DCLK1: variants seen among roughly 807,000 people sequenced by gnomAD.
DCLK1 encodes serine/threonine-protein kinase DCLK1.
A neutral mutation model predicts 86.2 loss-of-function variants in DCLK1; 16 were observed. That is an observed-to-expected ratio of 0.19 (90% CI 0.13 to 0.28). The LOEUF is 0.28. DCLK1 is among the 10% of genes least tolerant of loss of function. DCLK1 has a pLI of 1.00. For missense variants in DCLK1, 590 were observed against 940.2 expected (o/e 0.63, Z 4.87); for synonymous variants, 369 against 370.5 (o/e 1.00, Z 0.05).
At chr13:35,784,973 C>A (rs914361164) in intron 16 of DCLK1, among the ~76,000 whole-genome samples, 2 of 152,124 alleles carry the variant, frequency 1.3e-5, no homozygotes, top group African/African-American at 2.4e-5. Flanking sequence ...AACAACCGAG[C>A]ATGACAGCGC....
At chr13:35,854,406 C>G in intron 6 of DCLK1, 93 bp downstream of exon 6, 1 of 1,004,186 alleles carries the variant, frequency 1.0e-6, no homozygotes, top group South Asian at 2.5e-5. Flanking sequence ...TTAGATATCG[C>G]CTAGAGACGA....
At chr13:35,986,325 AAAAG>A (rs1271930628) in intron 3 of DCLK1, among the ~76,000 whole-genome samples, 174 of 150,526 alleles carry the variant, frequency 1.2e-3, no homozygotes, top group African/African-American at 4.0e-3. Flanking sequence ...AAAAAAAAAA[AAAAG>A]GCCAATGAAG....
intron 3 of DCLK1, among the ~76,000 whole-genome samples, chr13:35,973,339 A>G (rs1450934240): frequency 6.6e-6 from 1 of 152,160 alleles, no homozygotes; most frequent in East Asian, 1.9e-4. Context: ...CCTCCTGGGA[A>G]GACCTCCCCT....
intron 6 of DCLK1, chr13:35,846,448 T>C (rs2153109092): frequency 1.0e-6 from 1 of 985,356 alleles, no homozygotes; most frequent in Non-Finnish European, 1.2e-6. Context: ...CACTCAGGTA[T>C]TACATGCATC....
chr13:35,866,693 G>C (rs1379874316), intron 5 of DCLK1, among the ~76,000 whole-genome samples: 1 of 151,460 alleles, frequency 6.6e-6, no homozygotes, highest in Non-Finnish European at 1.5e-5. Context: ...ACAGGCATGA[G>C]CCACCACACC....
At chr13:35,914,375 A>ATATATATATG (rs1875276353) in intron 4 of DCLK1, among the ~76,000 whole-genome samples, 1 of 84,822 alleles carries the variant, frequency 1.2e-5, no homozygotes, top group African/African-American at 4.2e-5. Flanking sequence ...ATATGTATAT[A>ATATATATATG]TATATATATA....
In DCLK1 at chr13:35,769,784, C is replaced by T. The variant is rs2086297413; in HGVS notation, c.*4751G>A. ...TACATTAAAGCAACATTAAGGGTCT[C>T]AATTTCATTGAACAGAAACAAATGC... On this transcript the variant is annotated 3_prime_UTR_variant, in exon 17 of 17. Coordinates refer to ENST00000360631, the MANE Select transcript of DCLK1 (RefSeq NM_001330071.2). 1 of 152,160 alleles carries T rather than the reference C, an allele frequency of 6.6e-6. No homozygotes were observed. Among genetic ancestry groups the T allele is most frequent in the African/African-American group, 2.4e-5 (1 of 41,434 alleles). 9.4% of individuals were successfully genotyped at this position (152,160 alleles called of 1,614,324 possible).
At position 35,909,597 on chromosome 13, in the gene DCLK1, ATGTGTGTGTGTGTGTGTG is replaced by A. The variant is rs57044533; in HGVS notation, c.823+37743_823+37760del. Among the ~76,000 whole-genome samples, 751 of 146,240 alleles carry A rather than the reference ATGTGTGTGTGTGTGTGTG, an allele frequency of 5.1e-3. 6 individuals are homozygous for A. Among genetic ancestry groups the A allele is most frequent in the African/African-American group, 0.018 (699 of 39,246 alleles). On this transcript the variant is annotated intron_variant, in intron 4 of 16. Transcript: ENST00000360631. ...TCTGGTTATTAATTGCTGTGTGCAT[ATGTGTGTGTGTGTGTGTG>A]TGTGTGTGTGTGTGTGTGTGTGTGT...
At chr13:35,849,405 T>C in intron 6 of DCLK1, 2 of 985,354 alleles carry the variant, frequency 2.0e-6, no homozygotes, top group Non-Finnish European at 2.4e-6. Flanking sequence ...CAAACATTTT[T>C]AATTTATCAC....
At chr13:35,919,473 C>T (rs1163008050) in intron 4 of DCLK1, among the ~76,000 whole-genome samples, 1 of 152,138 alleles carries the variant, frequency 6.6e-6, no homozygotes, top group Non-Finnish European at 1.5e-5. Context: ...AATGTTTACA[C>T]AGATGCCAGT....
At chr13:35,808,463 A>T in intron 13 of DCLK1, 143 bp from the exon 14 acceptor site, 1 of 757,942 alleles carries the variant, frequency 1.3e-6, no homozygotes, top group Non-Finnish European at 2.2e-6. Context: ...AAAAATGTCA[A>T]TGTGGATCTG....
chr13:35,871,785 A>G (rs1872289140), intron 4 of DCLK1, among the ~76,000 whole-genome samples: 1 of 152,194 alleles, frequency 6.6e-6, no homozygotes, highest in African/African-American at 2.4e-5. Flanking sequence ...AACAGGACCA[A>G]GTTTATTGCC....
intron 3 of DCLK1, among the ~76,000 whole-genome samples, chr13:36,100,437 A>G (rs1055642762): frequency 1.3e-5 from 2 of 152,138 alleles, no homozygotes; most frequent in African/African-American, 4.8e-5. Context: ...AGCCTGCGCT[A>G]TTCCTTTCAC....
At chr13:35,811,066 G>C in intron 11 of DCLK1, 98 bp from the exon 12 acceptor site, 1 of 1,471,018 alleles carries the variant, frequency 6.8e-7, no homozygotes, top group South Asian at 1.2e-5. Flanking sequence ...TTAATGTATA[G>C]GAGGTAAAAA....
chr13:35,911,099 C>A (rs1325834217), intron 4 of DCLK1, among the ~76,000 whole-genome samples: 2 of 135,996 alleles, frequency 1.5e-5, no homozygotes, highest in African/African-American at 5.5e-5. Context: ...CTGGCTAACA[C>A]GGTGAAACCC....
intron 3 of DCLK1, among the ~76,000 whole-genome samples, chr13:35,975,235 G>A (rs1351027916): frequency 1.3e-5 from 2 of 152,212 alleles, no homozygotes; most frequent in Non-Finnish European, 2.9e-5. Flanking sequence ...ACAGTGTGAG[G>A]GACCAGTAGG....
At chr13:36,008,221 A>ATT (rs1213698554) in intron 3 of DCLK1, among the ~76,000 whole-genome samples, 106 of 9,218 alleles carry the variant, frequency 0.011, 1 homozygote, top group Non-Finnish European at 0.017. Context: ...TATTATTATT[A>ATT]TTATTATTTT....
intron 12 of DCLK1, 152 bp downstream of exon 12, chr13:35,810,683 A>C: frequency 3.9e-6 from 4 of 1,033,876 alleles, no homozygotes; most frequent in Non-Finnish European, 5.4e-6. Flanking sequence ...CCCACTGTAA[A>C]TGTTAAAGAA....
chr13:36,018,785 T>C (rs1400709453), intron 3 of DCLK1, among the ~76,000 whole-genome samples: 1 of 152,174 alleles, frequency 6.6e-6, no homozygotes, highest in Non-Finnish European at 1.5e-5. Context: ...GTTTCTTTCA[T>C]CCATATTTAC....
Sources: gnomAD v4.1 joint callset for allele counts (sites outside exome capture counted in the v4.1 genomes callset) on GRCh38, gnomAD v4.1.1 for gene constraint, MANE v1.5 for transcripts, NCBI Gene and HGNC (gene_info 2026-07-23, HGNC 2026-07-21) for gene names.